The following COL9A3 variants were observed in gnomAD, a reference collection of about 807,000 sequenced individuals.
COL9A3 encodes the protein collagen alpha-3(IX) chain.
A neutral mutation model predicts 110.2 loss-of-function variants in COL9A3; 82 were observed. That is an observed-to-expected ratio of 0.74 (90% confidence interval 0.62 to 0.89). COL9A3 has a LOEUF of 0.89. Ranked by LOEUF, COL9A3 falls within the 40% of genes least tolerant of loss-of-function variation. The pLI is 0.00. For missense variants in COL9A3, 1,066 were observed against 981.3 expected, an observed-to-expected ratio of 1.09 and a Z score of -1.15; for synonymous variants, 494 against 403.8, an observed-to-expected ratio of 1.22 and a Z score of -2.68.
At chr20:62,827,629 C>T (rs1249846549) in intron 16 of COL9A3, among the ~76,000 whole-genome samples, 2 of 152,214 alleles carry the variant, frequency 1.3e-5, no homozygotes, top group South Asian at 2.1e-4. Context: ...CCAGAGGCAG[C>T]CAAGCGTTCC....
chr20:62,827,906 A>G lies in COL9A3; in HGVS notation c.847-17A>G, dbSNP rs779391812. ...GGAAGAGACTGCCACTGCTTCTGTC[A>G]CTTGTGTGTCCTCTAGGGCAGACCT... On this transcript the variant is annotated splice_polypyrimidine_tract_variant and intron_variant, in intron 16 of 31. Transcript: ENST00000649368. 1.2e-6 allele frequency: 2 copies of G among 1,612,666 alleles called. No homozygotes were observed. Among genetic ancestry groups the G allele is most frequent in the Non-Finnish European group, 1.7e-6 (2 of 1,179,890 alleles).
chr20:62,835,363 G>C (rs2063626987), intron 26 of COL9A3, among the ~76,000 whole-genome samples: 1 of 152,242 alleles, frequency 6.6e-6, no homozygotes, highest in Non-Finnish European at 1.5e-5. Context: ...GTGCCAGAGA[G>C]AGAAAGGGGC....
intron 1 of COL9A3, chr20:62,817,361 G>A (rs1990962400): frequency 2.0e-6 from 1 of 512,030 alleles, no homozygotes; most frequent in East Asian, 3.6e-5. Context: ...TCCTCTGGGA[G>A]CACAAGGGGG....
chr20:62,836,433 G>A (rs765141377), intron 28 of COL9A3, 45 bp from the exon 29 acceptor site: 77 of 1,613,626 alleles, frequency 4.8e-5, no homozygotes, highest in African/African-American at 3.1e-4. Context: ...ATGCCTCACC[G>A]AGGCTGCCGC....
intron 9 of COL9A3, 126 bp downstream of exon 9, chr20:62,822,290 C>T: frequency 1.3e-6 from 1 of 751,920 alleles, no homozygotes; most frequent in Non-Finnish European, 2.4e-6. Context: ...CTTGGCCACT[C>T]CCAGGAACAG....
At chr20:62,822,705 A>G in intron 10 of COL9A3, 73 bp downstream of exon 10, 1 of 1,519,728 alleles carries the variant, frequency 6.6e-7, no homozygotes, top group Non-Finnish European at 9.0e-7. Flanking sequence ...TGGCCTGGAG[A>G]GGGGCTTGTC....
intron 3 of COL9A3, 33 bp downstream of exon 3, chr20:62,818,586 T>G (rs374073790): frequency 1.0e-5 from 16 of 1,604,668 alleles, no homozygotes; most frequent in Non-Finnish European, 1.3e-5. Flanking sequence ...ACAGCCTTTT[T>G]CCAGTCTGGA....
Position 62,822,574 on chromosome 20 carries a change from G to C in COL9A3, c.478-17G>C, listed in dbSNP as rs1253503418. ...TGGGGAGGGCGGGAGAATGTCAGCT[G>C]TCTCTTTTTGTCTTAGGGACACCCA... is the stretch of plus-strand genomic sequence containing the variant. On this transcript the variant is annotated splice_polypyrimidine_tract_variant and intron_variant, in intron 9 of 31. Coordinates refer to ENST00000649368, the MANE Select transcript of COL9A3 (RefSeq NM_001853.4). The C allele has an allele frequency of 2.5e-6, 4 of 1,612,114 alleles. No homozygotes were observed. The East Asian group carries it at 8.9e-5, about 36-fold the overall frequency.
Position 62,817,124 on chromosome 20 carries a change from G to A in COL9A3, c.60G>A (p.Leu20=), listed in dbSNP as rs1990954225. Residue 20 remains leucine, a synonymous_variant, in exon 1 of 32, where the codon CTG becomes CTA. Transcript: ENST00000649368. ...TCCTGCTCCTGCTCGGGGAGCTTCT[G>A]GCGGCCGCCGGGGCGCAGGTGAGCG... The part of the protein sequence containing the change: ...LLLLLLLGEL[L]AAAGAQRVGL... The A allele has an allele frequency of 1.4e-6, 2 of 1,399,024 alleles. No individual in the cohort carries two copies. The highest frequency in any genetic ancestry group is 1.9e-6 in the Non-Finnish European group (2 of 1,070,934). 86.7% of individuals were successfully genotyped at this position (1,399,024 alleles called of 1,614,324 possible).
chr20:62,823,152 C>T (rs989818980), intron 10 of COL9A3, among the ~76,000 whole-genome samples: 5 of 152,204 alleles, frequency 3.3e-5, no homozygotes, highest in African/African-American at 1.2e-4. Flanking sequence ...GCCTGGGCAA[C>T]ATAGTGAGAT....
chr20:62,816,673 G>A (rs1014457135), upstream of COL9A3, among the ~76,000 whole-genome samples: 4 of 152,180 alleles, frequency 2.6e-5, no homozygotes, highest in Non-Finnish European at 4.4e-5. Context: ...CTGCGGCTTC[G>A]GAAACTCGCG....
intron 26 of COL9A3, 41 bp downstream of exon 26, chr20:62,833,105 G>A (rs374531888): frequency 1.2e-5 from 19 of 1,547,078 alleles, no homozygotes; most frequent in Non-Finnish European, 3.6e-6. Flanking sequence ...ACAGCTGGGA[G>A]CGAGGTCGCC....
chr20:62,826,585 G>A (rs1243734737), intron 14 of COL9A3, among the ~76,000 whole-genome samples, 182 bp from the exon 15 acceptor site: 1 of 152,204 alleles, frequency 6.6e-6, no homozygotes, highest in Admixed American at 6.5e-5. Context: ...GGCTGTTGTG[G>A]CTTAGGCCAG....
At chr20:62,838,246 G>A (rs2063650865) in intron 30 of COL9A3, among the ~76,000 whole-genome samples, 2 of 152,234 alleles carry the variant, frequency 1.3e-5, no homozygotes, top group Admixed American at 6.5e-5. Flanking sequence ...GAACATCTGA[G>A]TTCACTTACG....
chr20:62,835,008 A>G (rs889073456), intron 26 of COL9A3, among the ~76,000 whole-genome samples: 45 of 152,376 alleles, frequency 3.0e-4, no homozygotes, highest in African/African-American at 1.1e-3. Context: ...CTACGTGGCC[A>G]CTGTTGCTGG....
At chr20:62,818,171 C>T (rs1366351993) in intron 2 of COL9A3, among the ~76,000 whole-genome samples, 2 of 152,190 alleles carry the variant, frequency 1.3e-5, no homozygotes, top group Non-Finnish European at 2.9e-5. Context: ...TGACCACCAC[C>T]AGGGCAGGAG....
chr20:62,833,205 G>GAGC, intron 26 of COL9A3, 141 bp downstream of exon 26: 1 of 753,530 alleles, frequency 1.3e-6, no homozygotes, highest in South Asian at 1.4e-5. Flanking sequence ...CGTGGGGATG[G>GAGC]AGCAGGGTCG....
chr20:62,822,519 G>A, intron 9 of COL9A3, 72 bp from the exon 10 acceptor site: 2 of 1,499,994 alleles, frequency 1.3e-6, no homozygotes, highest in Non-Finnish European at 1.8e-6. Flanking sequence ...GTCAGAGAGT[G>A]GGTGGGTGGG....
chr20:62,824,339 G>A (rs570411880), intron 10 of COL9A3, 106 bp from the exon 11 acceptor site: 17 of 1,225,598 alleles, frequency 1.4e-5, no homozygotes, highest in African/African-American at 7.6e-5. Context: ...CCGGGGTCCC[G>A]TCACCGTGCA....
Sources: gnomAD v4.1 joint callset for allele counts (sites outside exome capture counted in the v4.1 genomes callset) on GRCh38, gnomAD v4.1.1 for gene constraint, MANE v1.5 for transcripts, NCBI Gene and HGNC (gene_info 2026-07-23, HGNC 2026-07-21) for gene names.